EPHA6: variants seen among roughly 807,000 people sequenced by gnomAD.
The protein encoded by EPHA6 is EPH receptor A6, also known as ephrin type-A receptor 6.
EPHA6 carries 50 observed loss-of-function variants against 112.0 expected under a neutral mutation model. The observed-to-expected ratio is 0.45, with a 90% CI of 0.36 to 0.56. The LOEUF is 0.56. Ranked by LOEUF, EPHA6 falls within the 20% of genes least tolerant of loss-of-function variation. EPHA6 has a pLI of 0.00. For synonymous variants in EPHA6, 529 were observed against 490.7 expected (o/e 1.08, Z -1.03); for missense variants, 1,280 against 1,417.4 (o/e 0.90, Z 1.56).
intron 11 of EPHA6, among the ~76,000 whole-genome samples, chr3:97,550,390 A>G (rs1560127583): frequency 6.6e-6 from 1 of 152,236 alleles, no homozygotes; most frequent in Admixed American, 6.5e-5. Context: ...GATGTTGCTT[A>G]TTGTTGATAA....
intron 3 of EPHA6, among the ~76,000 whole-genome samples, chr3:97,176,205 T>G (rs2108439812): frequency 6.6e-6 from 1 of 152,006 alleles, no homozygotes; most frequent in South Asian, 2.1e-4. Context: ...CATGTTGATT[T>G]ATTTGCATAT....
intron 5 of EPHA6, among the ~76,000 whole-genome samples, chr3:97,367,978 A>C (rs893212080): frequency 6.6e-6 from 1 of 152,164 alleles, no homozygotes; most frequent in African/African-American, 2.4e-5. Flanking sequence ...GTAACATAAC[A>C]CTACTTTCAT....
intron 3 of EPHA6, among the ~76,000 whole-genome samples, chr3:96,999,811 G>C (rs2043570015): frequency 1.3e-5 from 2 of 151,842 alleles, no homozygotes; most frequent in South Asian, 2.1e-4. Context: ...TTAGCCACCA[G>C]TAACTACATC....
In EPHA6 at chr3:96,815,092, A is replaced by G. The variant is rs111306544; in HGVS notation, c.385+84A>G. 1,994 of 1,335,930 alleles carry G rather than the reference A, an allele frequency of 1.5e-3. 17 individuals carry two copies. The Middle Eastern group carries it at 0.016, about 11-fold the overall frequency. The allele number at this position is 1,335,930 out of a possible 1,614,324, so 82.8% of individuals were successfully genotyped here. A position where few individuals can be genotyped will look rare whatever the true frequency, so the allele number is the denominator to read the frequency against. On this transcript the variant is annotated intron_variant, in intron 1 of 17. Coordinates refer to ENST00000389672, the MANE Select transcript of EPHA6 (RefSeq NM_001080448.3). ...AGGGTACTGGTTGCCTCCTGCAGGT[A>G]ACTTTGTACAGGGGTCAGAGTCTCC...
chr3:97,276,137 T>C (rs2080070740), intron 5 of EPHA6, among the ~76,000 whole-genome samples: 1 of 152,048 alleles, frequency 6.6e-6, no homozygotes, highest in South Asian at 2.1e-4. Context: ...GTAGCCTCTG[T>C]ATTGATTAAG....
intron 6 of EPHA6, chr3:97,447,771 T>C: frequency 3.0e-6 from 3 of 1,015,034 alleles, no homozygotes; most frequent in Non-Finnish European, 3.5e-6. Flanking sequence ...TGAGATAATT[T>C]GGCAATTCAC....
chr3:97,402,485 G>A (rs1289708077), intron 5 of EPHA6, among the ~76,000 whole-genome samples: 1 of 151,948 alleles, frequency 6.6e-6, no homozygotes, highest in Admixed American at 6.6e-5. Flanking sequence ...GCATTTGCAT[G>A]GAATGTCTTT....
intron 2 of EPHA6, among the ~76,000 whole-genome samples, chr3:96,898,796 G>A (rs556687592): frequency 4.6e-5 from 7 of 152,014 alleles, no homozygotes; most frequent in Non-Finnish European, 7.4e-5. Flanking sequence ...TTGGGAGGCC[G>A]AGACGGGCGG....
At chr3:97,244,504 C>A (rs1205923581) in intron 5 of EPHA6, 4 of 552,132 alleles carry the variant, frequency 7.2e-6, no homozygotes, top group African/African-American at 5.7e-5. Context: ...GAAATGCTTC[C>A]CTCCACTGTT....
chr3:97,342,405 A>G (rs759618722), intron 5 of EPHA6, among the ~76,000 whole-genome samples: 5 of 152,136 alleles, frequency 3.3e-5, no homozygotes, highest in Non-Finnish European at 7.4e-5. Flanking sequence ...TTTACAGTCA[A>G]CCTCCTACCC....
chr3:97,398,035 G>C (rs572848786), intron 5 of EPHA6, among the ~76,000 whole-genome samples: 4 of 151,404 alleles, frequency 2.6e-5, no homozygotes, highest in African/African-American at 7.3e-5. Flanking sequence ...AAATTTAGGT[G>C]ATGTAGATGT....
At chr3:97,718,851 T>A (rs2107789276) in intron 14 of EPHA6, among the ~76,000 whole-genome samples, 1 of 152,290 alleles carries the variant, frequency 6.6e-6, no homozygotes, top group South Asian at 2.1e-4. Context: ...ACAGCATTAA[T>A]ATACATAAGG....
At chr3:97,600,017 T>C (rs1460907965) in intron 12 of EPHA6, among the ~76,000 whole-genome samples, 4 of 151,846 alleles carry the variant, frequency 2.6e-5, no homozygotes, top group Admixed American at 6.6e-5. Flanking sequence ...TATTTTATTC[T>C]CTTTGAAGCA....
intron 2 of EPHA6, among the ~76,000 whole-genome samples, chr3:96,939,447 G>A (rs2040805897): frequency 6.6e-6 from 1 of 152,234 alleles, no homozygotes; most frequent in Non-Finnish European, 1.5e-5. Flanking sequence ...GGGATCGGTG[G>A]TAATATCCCC....
At chr3:97,455,718 G>A (rs1282009609) in intron 7 of EPHA6, among the ~76,000 whole-genome samples, 15 of 151,902 alleles carry the variant, frequency 9.9e-5, no homozygotes, top group African/African-American at 3.6e-4. Context: ...ATGTACACAT[G>A]GTAGACCAAG....
chr3:97,291,502 G>A (rs1482990773), intron 5 of EPHA6, among the ~76,000 whole-genome samples: 2 of 151,896 alleles, frequency 1.3e-5, no homozygotes, highest in African/African-American at 4.8e-5. Flanking sequence ...GTTTATTTTA[G>A]GGTTTCCAAT....
intron 2 of EPHA6, among the ~76,000 whole-genome samples, chr3:96,937,824 A>G (rs1248396284): frequency 6.6e-6 from 1 of 152,136 alleles, no homozygotes; most frequent in Non-Finnish European, 1.5e-5. Context: ...CTTTCTACAT[A>G]TGGCTAGCCA....
intron 13 of EPHA6, among the ~76,000 whole-genome samples, chr3:97,628,253 C>T (rs2093875100): frequency 6.6e-6 from 1 of 151,674 alleles, no homozygotes; most frequent in African/African-American, 2.4e-5. Context: ...AAAAGTACAG[C>T]CAATAGGATT....
chr3:97,651,720 T>G (rs1448317170), intron 14 of EPHA6, among the ~76,000 whole-genome samples: 1 of 152,078 alleles, frequency 6.6e-6, no homozygotes, highest in African/African-American at 2.4e-5. Flanking sequence ...CAGACTATAT[T>G]GATTTACTGA....
Sources: allele counts gnomAD v4.1 joint callset (sites outside exome capture counted in the v4.1 genomes callset), GRCh38; gene constraint gnomAD v4.1.1; transcripts MANE v1.5; gene names NCBI Gene and HGNC (gene_info 2026-07-23, HGNC 2026-07-21).